Variants in CNTNAP2 observed in about 807,000 individuals in gnomAD.
CNTNAP2 encodes the protein contactin-associated protein-like 2.
CNTNAP2 carries 98 observed loss-of-function variants against 155.2 expected under a neutral mutation model. The observed-to-expected ratio is 0.63, with a 90% CI of 0.54 to 0.75. The LOEUF is 0.75. Ranked by LOEUF, CNTNAP2 falls within the 30% of genes least tolerant of loss-of-function variation. The pLI, the probability that CNTNAP2 is intolerant of heterozygous loss-of-function variation, is 0.00. For missense variants in CNTNAP2, 1,727 were observed against 1,688.1 expected (o/e 1.02, Z -0.40); for synonymous variants, 651 against 631.2 (o/e 1.03, Z -0.47).
At chr7:148,011,192 T>G (rs1235060567) in intron 15 of CNTNAP2, among the ~76,000 whole-genome samples, 1 of 152,146 alleles carries the variant, frequency 6.6e-6, no homozygotes, top group Non-Finnish European at 1.5e-5. Context: ...GTGTCTGACC[T>G]CTTTCAGTCA....
rs1805262908 is a variant in CNTNAP2 at position 147,289,876 on chromosome 7, GAA to G, written c.1349-10262_1349-10261del. On this transcript the variant is annotated intron_variant, in intron 8 of 23. Coordinates refer to ENST00000361727, the MANE Select transcript of CNTNAP2 (RefSeq NM_014141.6). ...GGGTTTCCCATTGTTTGATGACGTA[GAA>G]AACACAGCATAAAGTAGACATTGAA... is the stretch of plus-strand genomic sequence containing the variant. Among the ~76,000 whole-genome samples the G allele has an allele frequency of 5.9e-5, 9 of 152,170 alleles. No individual in the cohort carries two copies. The South Asian group carries it at 1.7e-3, about 28-fold the overall frequency.
rs145827912 is a variant in CNTNAP2, at chr7:146,369,591, T to C, written c.97+252618T>C. On this transcript the variant is annotated intron_variant, in intron 1 of 23. Coordinates refer to ENST00000361727, the MANE Select transcript of CNTNAP2 (RefSeq NM_014141.6). ...TAACAGAAAGGACTTTTGATTTCTA[T>C]CCATCTGAATGATGAAAAATAGTAA... 3.0e-3 allele frequency among the ~76,000 whole-genome samples: 450 copies of C among 152,288 alleles called. 2 individuals are homozygous for C. The highest frequency in any genetic ancestry group is 7.2e-3 in the African/African-American group (301 of 41,566).
chr7:147,054,864 G>A (rs1247200501), intron 4 of CNTNAP2, among the ~76,000 whole-genome samples: 3 of 152,118 alleles, frequency 2.0e-5, no homozygotes, highest in African/African-American at 7.2e-5. Flanking sequence ...GACTTGAAAA[G>A]AAGTAATCCA....
At chr7:147,317,716 G>T (rs550440723) in intron 9 of CNTNAP2, among the ~76,000 whole-genome samples, 1 of 151,316 alleles carries the variant, frequency 6.6e-6, no homozygotes, top group Admixed American at 6.6e-5. Flanking sequence ...GAGATTATTT[G>T]TTTAATGTCT....
intron 1 of CNTNAP2, among the ~76,000 whole-genome samples, chr7:146,478,013 C>A (rs958720472): frequency 1.7e-4 from 26 of 152,204 alleles, no homozygotes; most frequent in African/African-American, 6.3e-4. Context: ...GTTACTTTTA[C>A]TCTTTGGTAA....
At chr7:146,216,434 G>A (rs1209699662) in intron 1 of CNTNAP2, among the ~76,000 whole-genome samples, 1 of 152,164 alleles carries the variant, frequency 6.6e-6, no homozygotes, top group African/African-American at 2.4e-5. Context: ...AACCCTTGTT[G>A]GTGCTGCAGT....
intron 19 of CNTNAP2, among the ~76,000 whole-genome samples, chr7:148,219,575 T>C (rs551410677): frequency 1.3e-5 from 2 of 152,352 alleles, no homozygotes; most frequent in East Asian, 1.9e-4. Context: ...TGCACACTTG[T>C]GGTCTCAGCT....
intron 9 of CNTNAP2, among the ~76,000 whole-genome samples, chr7:147,343,453 G>C (rs913285539): frequency 2.6e-5 from 4 of 152,018 alleles, no homozygotes; most frequent in Non-Finnish European, 4.4e-5. Context: ...ATAAAAAGAT[G>C]AATTGCCCAC....
intron 3 of CNTNAP2, among the ~76,000 whole-genome samples, chr7:146,853,510 G>A (rs1250275625): frequency 6.6e-6 from 1 of 152,114 alleles, no homozygotes; most frequent in African/African-American, 2.4e-5. Context: ...CAATTGAAGT[G>A]CAGAGATGTT....
intron 1 of CNTNAP2, among the ~76,000 whole-genome samples, chr7:146,384,017 T>C (rs1795426765): frequency 1.3e-5 from 2 of 152,208 alleles, no homozygotes; most frequent in South Asian, 4.1e-4. Context: ...TGATTCGATA[T>C]TGAGCTTTGG....
chr7:147,102,712 C>A (rs1800681599), intron 4 of CNTNAP2, among the ~76,000 whole-genome samples: 1 of 152,098 alleles, frequency 6.6e-6, no homozygotes, highest in Admixed American at 6.5e-5. Context: ...GCTACTATTA[C>A]TCTAAATTAG....
chr7:147,734,994 T>G (rs913295869), intron 13 of CNTNAP2, among the ~76,000 whole-genome samples: 3 of 151,790 alleles, frequency 2.0e-5, no homozygotes, highest in African/African-American at 4.8e-5. Flanking sequence ...TTTTTTTTTT[T>G]GAAGGGTTTT....
At chr7:147,799,051 C>A (rs948666454) in intron 13 of CNTNAP2, among the ~76,000 whole-genome samples, 12 of 152,192 alleles carry the variant, frequency 7.9e-5, no homozygotes, top group African/African-American at 2.9e-4. Flanking sequence ...AACCCCAGGC[C>A]TTCCCATAAC....
intron 9 of CNTNAP2, among the ~76,000 whole-genome samples, chr7:147,365,383 GAAAAAAAAAAAAAAAA>G (rs10557373): frequency 1.1e-5 from 1 of 93,638 alleles, no homozygotes; most frequent in African/African-American, 4.3e-5. Context: ...ATCTCAAAAA[GAAAAAAAAAAAAAAAA>G]AAAAAAAAAC....
At chr7:147,821,799 C>T (rs965702058) in intron 13 of CNTNAP2, among the ~76,000 whole-genome samples, 1 of 151,962 alleles carries the variant, frequency 6.6e-6, no homozygotes, top group African/African-American at 2.4e-5. Context: ...TCAAGCTGAA[C>T]TTTAGGGAAA....
chr7:147,244,326 C>T (rs1467955508), intron 8 of CNTNAP2, among the ~76,000 whole-genome samples: 1 of 152,094 alleles, frequency 6.6e-6, no homozygotes, highest in Non-Finnish European at 1.5e-5. Flanking sequence ...CTTCATTAGC[C>T]AATAAAAAGA....
At chr7:147,887,957 T>A (rs2116726624) in intron 13 of CNTNAP2, among the ~76,000 whole-genome samples, 1 of 152,318 alleles carries the variant, frequency 6.6e-6, no homozygotes, top group East Asian at 1.9e-4. Context: ...AAAATATATT[T>A]TAAAGAGGTC....
intron 1 of CNTNAP2, among the ~76,000 whole-genome samples, chr7:146,266,691 C>T (rs979126879): frequency 3.3e-5 from 5 of 151,904 alleles, no homozygotes; most frequent in Admixed American, 6.6e-5. Flanking sequence ...GAAAACAAGA[C>T]AATAGAAAGG....
intron 10 of CNTNAP2, among the ~76,000 whole-genome samples, chr7:147,452,516 A>G (rs1189998705): frequency 1.3e-5 from 2 of 152,214 alleles, no homozygotes; most frequent in Non-Finnish European, 2.9e-5. Context: ...AAACAAGCAG[A>G]TCAAAATGTT....
Sources: allele counts gnomAD v4.1 joint callset (sites outside exome capture counted in the v4.1 genomes callset), GRCh38; gene constraint gnomAD v4.1.1; transcripts MANE v1.5; gene names NCBI Gene and HGNC (gene_info 2026-07-23, HGNC 2026-07-21).